Variants in AUTS2 observed in about 807,000 individuals in gnomAD.
AUTS2 encodes autism susceptibility gene 2 protein.
In AUTS2, 17 loss-of-function variants were observed where a neutral mutation model predicts 112.4. That is an observed-to-expected ratio of 0.15 (90% CI 0.10 to 0.23). The LOEUF (loss-of-function observed/expected upper bound fraction) is 0.23. Ranked by LOEUF, AUTS2 falls within the 10% of genes least tolerant of loss-of-function variation. The pLI, the probability that AUTS2 is intolerant of heterozygous loss-of-function variation, is 1.00. For synonymous variants in AUTS2, 751 were observed against 702.7 expected, an observed-to-expected ratio of 1.07 and a Z score of -1.09; for missense variants, 1,510 against 1,701.6, an observed-to-expected ratio of 0.89 and a Z score of 1.98.
chr7:70,173,136 T>C (rs1037833671), intron 4 of AUTS2, among the ~76,000 whole-genome samples: 2 of 152,116 alleles, frequency 1.3e-5, no homozygotes, highest in African/African-American at 4.8e-5. Context: ...CCCAGTACTT[T>C]GGGAGGCCGA....
intron 7 of AUTS2, among the ~76,000 whole-genome samples, chr7:70,764,347 A>G (rs377440593): frequency 6.6e-6 from 1 of 151,922 alleles, no homozygotes; most frequent in Admixed American, 6.6e-5. Flanking sequence ...AGATGGGGGG[A>G]ACTCAGATCA....
At chr7:70,011,868 C>T (rs1291393223) in intron 2 of AUTS2, among the ~76,000 whole-genome samples, 3 of 152,088 alleles carry the variant, frequency 2.0e-5, no homozygotes, top group Non-Finnish European at 2.9e-5. Context: ...TGGGGCTAGA[C>T]GAAGTTTCCC....
chr7:69,902,594 G>A (rs913006565), intron 2 of AUTS2, among the ~76,000 whole-genome samples: 2 of 152,174 alleles, frequency 1.3e-5, no homozygotes, highest in African/African-American at 4.8e-5. Flanking sequence ...CAGCTTTCCT[G>A]TAATTATGGG....
chr7:70,363,348 A>G (rs1057256542), intron 4 of AUTS2, among the ~76,000 whole-genome samples: 2 of 150,670 alleles, frequency 1.3e-5, no homozygotes, highest in East Asian at 3.9e-4. Flanking sequence ...TGATATACCT[A>G]ATGCTAGATG....
At chr7:70,321,185 G>C (rs1790236116) in intron 4 of AUTS2, among the ~76,000 whole-genome samples, 1 of 152,184 alleles carries the variant, frequency 6.6e-6, no homozygotes, top group South Asian at 2.1e-4. Flanking sequence ...AGGTCACCCA[G>C]CTAGTAAAAG....
intron 4 of AUTS2, among the ~76,000 whole-genome samples, chr7:70,247,022 C>T (rs1812960877): frequency 6.6e-6 from 1 of 151,898 alleles, no homozygotes; most frequent in Admixed American, 6.6e-5. Context: ...TTCGTATATA[C>T]CCAAAATCAT....
intron 1 of AUTS2, among the ~76,000 whole-genome samples, chr7:69,663,431 G>A (rs1795893627): frequency 6.6e-6 from 1 of 152,078 alleles, no homozygotes; most frequent in Non-Finnish European, 1.5e-5. Flanking sequence ...ATACACCCCA[G>A]ATGTGAAGGT....
intron 4 of AUTS2, among the ~76,000 whole-genome samples, chr7:70,426,277 C>A (rs964270949): frequency 6.6e-6 from 1 of 152,108 alleles, no homozygotes; most frequent in Non-Finnish European, 1.5e-5. Flanking sequence ...CAGCTTGAAC[C>A]AACCCTCTGT....
At chr7:69,779,912 G>A (rs1014101071) in intron 1 of AUTS2, among the ~76,000 whole-genome samples, 2 of 152,042 alleles carry the variant, frequency 1.3e-5, no homozygotes, top group African/African-American at 4.8e-5. Flanking sequence ...CTGGAGTACA[G>A]TGGTGCAATT....
At chr7:70,417,674 G>A (rs1042626261) in intron 4 of AUTS2, among the ~76,000 whole-genome samples, 4 of 152,190 alleles carry the variant, frequency 2.6e-5, no homozygotes, top group Non-Finnish European at 1.5e-5. Context: ...CCTTCTGTGT[G>A]CATTATCTGA....
chr7:69,678,552 G>A (rs576778485), intron 1 of AUTS2, among the ~76,000 whole-genome samples: 31 of 152,316 alleles, frequency 2.0e-4, no homozygotes, highest in Non-Finnish European at 2.8e-4. Flanking sequence ...ATTGCCTCGT[G>A]TACAGACAGG....
At chr7:70,205,013 G>A (rs1810497350) in intron 4 of AUTS2, among the ~76,000 whole-genome samples, 1 of 152,122 alleles carries the variant, frequency 6.6e-6, no homozygotes, top group African/African-American at 2.4e-5. Flanking sequence ...ATTCACAGCA[G>A]ATACTAAGAA....
At chr7:70,686,649 G>T (rs1426413102) in intron 5 of AUTS2, among the ~76,000 whole-genome samples, 1 of 151,758 alleles carries the variant, frequency 6.6e-6, no homozygotes, top group Admixed American at 6.6e-5. Flanking sequence ...TCCTGCCTCA[G>T]CCTCCCCCGA....
At chr7:70,309,821 T>C (rs1789655096) in intron 4 of AUTS2, among the ~76,000 whole-genome samples, 1 of 152,206 alleles carries the variant, frequency 6.6e-6, no homozygotes, top group Admixed American at 6.5e-5. Flanking sequence ...ACATCAGCGC[T>C]TCAGTGATTA....
chr7:70,332,595 G>A (rs540073805), intron 4 of AUTS2, among the ~76,000 whole-genome samples: 29 of 152,282 alleles, frequency 1.9e-4, no homozygotes, highest in African/African-American at 6.3e-4. Flanking sequence ...CAACAGCATG[G>A]TACTGGTACC....
chr7:70,208,439 G>A (rs1810689627), intron 4 of AUTS2, among the ~76,000 whole-genome samples: 1 of 152,078 alleles, frequency 6.6e-6, no homozygotes, highest in Admixed American at 6.5e-5. Context: ...GTATTCCAAG[G>A]ACTTTTAGAG....
intron 2 of AUTS2, among the ~76,000 whole-genome samples, chr7:69,994,035 C>A (rs543351720): frequency 6.6e-6 from 1 of 151,950 alleles, no homozygotes; most frequent in African/African-American, 2.4e-5. Flanking sequence ...TATACATGGC[C>A]GTGTGGAGCT....
intron 4 of AUTS2, among the ~76,000 whole-genome samples, chr7:70,171,304 TC>T (rs956976393): frequency 1.6e-4 from 24 of 152,306 alleles, no homozygotes; most frequent in African/African-American, 5.3e-4. Flanking sequence ...AGCGAATTCT[TC>T]CCCTTTTTCT....
chr7:69,647,811 C>T (rs987778116), intron 1 of AUTS2, among the ~76,000 whole-genome samples: 5 of 152,358 alleles, frequency 3.3e-5, no homozygotes, highest in African/African-American at 4.8e-5. Flanking sequence ...CATGTTTCCT[C>T]TTAAGCCTAT....
Sources: allele counts gnomAD v4.1 joint callset (sites outside exome capture counted in the v4.1 genomes callset), GRCh38; gene constraint gnomAD v4.1.1; transcripts MANE v1.5; gene names NCBI Gene and HGNC (gene_info 2026-07-23, HGNC 2026-07-21).